TMOD3: variants seen among roughly 807,000 people sequenced by gnomAD.
TMOD3 encodes the protein tropomodulin-3.
A neutral mutation model predicts 39.2 loss-of-function variants in TMOD3; 20 were observed. The observed-to-expected ratio is 0.51, with a 90% CI of 0.36 to 0.74. The LOEUF (loss-of-function observed/expected upper bound fraction) is 0.74. Among genes scored for constraint, TMOD3 ranks in the 30% least tolerant of loss-of-function variants. The pLI, the probability that TMOD3 is intolerant of heterozygous loss-of-function variation, is 0.00. For missense variants in TMOD3, 381 were observed against 412.8 expected (o/e 0.92, Z 0.67); for synonymous variants, 143 against 145.8 (o/e 0.98, Z 0.14).
chr15:51,868,782 G>A (rs1411540642), intron 2 of TMOD3, among the ~76,000 whole-genome samples: 1 of 152,106 alleles, frequency 6.6e-6, no homozygotes, highest in African/African-American at 2.4e-5. Flanking sequence ...GACTAGTCTG[G>A]CCAACATGGC....
At chr15:51,871,283 C>G (rs373590571) in intron 3 of TMOD3, among the ~76,000 whole-genome samples, 1 of 151,998 alleles carries the variant, frequency 6.6e-6, no homozygotes, top group African/African-American at 2.4e-5. Context: ...TTTTATTTGT[C>G]AAAGAAAACT....
intron 6 of TMOD3, among the ~76,000 whole-genome samples, chr15:51,895,304 C>T (rs949715691): frequency 6.6e-6 from 1 of 151,426 alleles, no homozygotes; most frequent in Non-Finnish European, 1.5e-5. Context: ...GCAACCTCTG[C>T]CCTGCCCCAG....
At position 51,908,909 on chromosome 15, in the gene TMOD3, G is replaced by A; in HGVS notation, c.*99G>A. 2.0e-6 allele frequency: 2 copies of A among 1,019,594 alleles called. No homozygotes were observed. Among genetic ancestry groups the A allele is most frequent in the South Asian group, 4.0e-5 (2 of 50,250 alleles). 63.2% of individuals were successfully genotyped at this position (1,019,594 alleles called of 1,614,324 possible). On this transcript the variant is annotated 3_prime_UTR_variant, in exon 10 of 10. Transcript: ENST00000308580. ...TTTCCTGGGTAGAAGGGAAAAGACTGGAAAAATTTTTTTAGTGACATGCAT... is the reference window on the plus strand; with the variant it reads ...TTTCCTGGGTAGAAGGGAAAAGACTAGAAAAATTTTTTTAGTGACATGCAT...
intron 3 of TMOD3, among the ~76,000 whole-genome samples, chr15:51,875,807 A>C (rs1223744872): frequency 6.6e-6 from 1 of 151,660 alleles, no homozygotes; most frequent in African/African-American, 2.4e-5. Context: ...TTTAGTAGAG[A>C]CAGGGTTTCA....
At chr15:51,885,365 A>C (rs189414086) in intron 3 of TMOD3, among the ~76,000 whole-genome samples, 268 of 150,946 alleles carry the variant, frequency 1.8e-3, no homozygotes, top group Non-Finnish European at 1.8e-3. Context: ...TCATAGGACA[A>C]TAGTGGAGGG....
At chr15:51,878,127 G>A (rs1270312083) in intron 3 of TMOD3, among the ~76,000 whole-genome samples, 2 of 152,238 alleles carry the variant, frequency 1.3e-5, no homozygotes, top group East Asian at 3.8e-4. Flanking sequence ...CTGATCTGCA[G>A]CCTGGAACCT....
intron 1 of TMOD3, chr15:51,859,129 A>G: frequency 1.6e-6 from 1 of 636,812 alleles, no homozygotes; most frequent in South Asian, 1.7e-5. Flanking sequence ...CATAATACAT[A>G]TTTGCCCACA....
intron 7 of TMOD3, among the ~76,000 whole-genome samples, chr15:51,899,618 A>G (rs920055878): frequency 5.3e-5 from 8 of 151,786 alleles, no homozygotes; most frequent in African/African-American, 1.7e-4. Context: ...GTGAGCTGTG[A>G]TCCTGCCACT....
In TMOD3 at chr15:51,912,267, A is replaced by G. The variant is rs922215041; in HGVS notation, c.*3457A>G. 1.5e-4 allele frequency: 23 copies of G among 152,012 alleles called. No homozygotes were observed. The highest frequency in any genetic ancestry group is 5.6e-4 in the African/African-American group (23 of 41,358). The allele number at this position is 152,012 out of a possible 1,614,324, so 9.4% of individuals were successfully genotyped here. The stretch of plus-strand genomic sequence containing the variant: ...ACATGGAGAAACCCTGTCTCTACTA[A>G]AAATACAAAATTAGCCAGGCGTGGT... On this transcript the variant is annotated 3_prime_UTR_variant, in exon 10 of 10. Transcript: ENST00000308580.
At chr15:51,906,404 C>T (rs947754018) in intron 9 of TMOD3, among the ~76,000 whole-genome samples, 5 of 152,062 alleles carry the variant, frequency 3.3e-5, no homozygotes, top group African/African-American at 9.7e-5. Flanking sequence ...TTGATAACAT[C>T]GTTCCCTCTC....
chr15:51,900,036 C>T, intron 7 of TMOD3, 119 bp from the exon 8 acceptor site: 1 of 1,016,048 alleles, frequency 9.8e-7, no homozygotes, highest in Non-Finnish European at 1.4e-6. Context: ...CTGTGTCAAA[C>T]TGAAACAACT....
chr15:51,841,149 T>C (rs1250037309), intron 1 of TMOD3, among the ~76,000 whole-genome samples: 1 of 152,224 alleles, frequency 6.6e-6, no homozygotes, highest in South Asian at 2.1e-4. Context: ...TATGAGGAGA[T>C]GTGTATGATA....
At chr15:51,855,765 A>G (rs1478816457) in intron 1 of TMOD3, among the ~76,000 whole-genome samples, 1 of 152,244 alleles carries the variant, frequency 6.6e-6, no homozygotes, top group Non-Finnish European at 1.5e-5. Context: ...AGGACAAGCA[A>G]GAGAGACATG....
intron 1 of TMOD3, among the ~76,000 whole-genome samples, chr15:51,852,481 ATTTTTT>A (rs1414530077): frequency 6.6e-6 from 1 of 152,134 alleles, no homozygotes; most frequent in African/African-American, 2.4e-5. Flanking sequence ...TGATGAGCAG[ATTTTTT>A]GTTTTGTTTT....
At chr15:51,857,652 T>C (rs1034066626) in intron 1 of TMOD3, among the ~76,000 whole-genome samples, 1 of 152,178 alleles carries the variant, frequency 6.6e-6, no homozygotes, top group Non-Finnish European at 1.5e-5. Flanking sequence ...TAATTAAACT[T>C]ATATCTATGT....
At chr15:51,835,153 A>C (rs968405462) in intron 1 of TMOD3, 4 of 152,230 alleles carry the variant, frequency 2.6e-5, no homozygotes, top group African/African-American at 9.6e-5. Flanking sequence ...TAAAATAGGC[A>C]GATGTTTAGA....
chr15:51,831,433 A>G (rs2056254463), intron 1 of TMOD3, among the ~76,000 whole-genome samples: 1 of 152,218 alleles, frequency 6.6e-6, no homozygotes, highest in African/African-American at 2.4e-5. Context: ...TTTAGCATGC[A>G]TAATTCATTC....
intron 7 of TMOD3, among the ~76,000 whole-genome samples, chr15:51,897,069 G>A (rs2056624348): frequency 6.6e-6 from 1 of 152,168 alleles, no homozygotes; most frequent in Non-Finnish European, 1.5e-5. Context: ...TTGGCTTTGA[G>A]AATATCACTC....
chr15:51,876,438 A>G (rs1031945431), intron 3 of TMOD3, among the ~76,000 whole-genome samples: 1 of 149,724 alleles, frequency 6.7e-6, no homozygotes, highest in African/African-American at 2.5e-5. Context: ...ACCTGGGATT[A>G]CAGGTGTGAG....
Sources: gnomAD v4.1 joint callset for allele counts (sites outside exome capture counted in the v4.1 genomes callset) on GRCh38, gnomAD v4.1.1 for gene constraint, MANE v1.5 for transcripts, NCBI Gene and HGNC (gene_info 2026-07-23, HGNC 2026-07-21) for gene names.